SNX29: variants seen among roughly 807,000 people sequenced by gnomAD.
SNX29 encodes sorting nexin 29.
Under a neutral mutation model 102.1 loss-of-function variants are expected in SNX29, and 78 were observed. The ratio of observed to expected loss-of-function variants is 0.76; its 90% CI spans 0.64 to 0.92. The LOEUF (loss-of-function observed/expected upper bound fraction) is 0.92, where lower values mean the gene tolerates loss of function less well. Among genes scored for constraint, SNX29 ranks in the 40% least tolerant of loss-of-function variants. SNX29 has a pLI of 0.00. For synonymous variants in SNX29, 580 were observed against 414.5 expected (o/e 1.40, Z -4.85); for missense variants, 1,280 against 1,061.7 (o/e 1.21, Z -2.86).
chr16:12,450,862 G>A (rs2086271939), intron 18 of SNX29, among the ~76,000 whole-genome samples: 3 of 152,152 alleles, frequency 2.0e-5, no homozygotes, highest in Admixed American at 1.3e-4. Flanking sequence ...GAAGGACCAA[G>A]GGCAGGAGTG....
At chr16:12,553,040 C>A (rs994433512) in intron 20 of SNX29, among the ~76,000 whole-genome samples, 6 of 152,216 alleles carry the variant, frequency 3.9e-5, no homozygotes, top group South Asian at 4.1e-4. Flanking sequence ...AGGCTGGGGA[C>A]ACTAATTGGA....
chr16:12,563,805 A>AT (rs2078867191), intron 20 of SNX29, among the ~76,000 whole-genome samples: 1 of 152,032 alleles, frequency 6.6e-6, no homozygotes, highest in African/African-American at 2.4e-5. Flanking sequence ...ACACCCACCC[A>AT]TTTGCTGCTT....
intron 20 of SNX29, among the ~76,000 whole-genome samples, chr16:12,563,698 A>T (rs990814122): frequency 1.3e-5 from 2 of 152,112 alleles, no homozygotes; most frequent in African/African-American, 4.8e-5. Flanking sequence ...GGCCTCATGT[A>T]AGAGGAACAT....
At chr16:12,240,084 T>C (rs909186287) in intron 14 of SNX29, among the ~76,000 whole-genome samples, 1 of 152,270 alleles carries the variant, frequency 6.6e-6, no homozygotes. Flanking sequence ...TCTTTAAATA[T>C]TATCTCTGAA....
chr16:12,184,355 G>T (rs987168417), intron 13 of SNX29, among the ~76,000 whole-genome samples: 4 of 152,174 alleles, frequency 2.6e-5, no homozygotes, highest in African/African-American at 9.7e-5. Context: ...GCTGAGTTGC[G>T]TGCCATGCAC....
chr16:12,490,910 C>G (rs1029625251), intron 19 of SNX29, among the ~76,000 whole-genome samples: 1 of 152,224 alleles, frequency 6.6e-6, no homozygotes, highest in African/African-American at 2.4e-5. Context: ...CTCTTTGCAC[C>G]TTTTCTCCCA....
intron 20 of SNX29, among the ~76,000 whole-genome samples, chr16:12,540,469 GC>G (rs1175074113): frequency 6.6e-6 from 1 of 152,252 alleles, no homozygotes; most frequent in Non-Finnish European, 1.5e-5. Context: ...GTCTTACTAG[GC>G]TACAGTCAAG....
chr16:12,537,115 C>T (rs1349793262), intron 20 of SNX29, among the ~76,000 whole-genome samples: 1 of 152,180 alleles, frequency 6.6e-6, no homozygotes, highest in Non-Finnish European at 1.5e-5. Context: ...CCTTTCCTCC[C>T]AGCTGTTGGT....
intron 13 of SNX29, among the ~76,000 whole-genome samples, chr16:12,159,939 C>T (rs2055712730): frequency 6.6e-6 from 1 of 152,242 alleles, no homozygotes; most frequent in Non-Finnish European, 1.5e-5. Context: ...TAGGCAGCCA[C>T]TTCCAGTCAT....
chr16:12,276,933 C>A (rs563595941), intron 14 of SNX29, among the ~76,000 whole-genome samples: 1 of 151,320 alleles, frequency 6.6e-6, no homozygotes, highest in East Asian at 1.9e-4. Flanking sequence ...CCGAGTTTTT[C>A]TAAAGGTTTT....
At chr16:12,448,423 T>A (rs903406311) in intron 18 of SNX29, among the ~76,000 whole-genome samples, 2 of 152,174 alleles carry the variant, frequency 1.3e-5, no homozygotes, top group Non-Finnish European at 2.9e-5. Context: ...GGTGAACATG[T>A]TTTTCATAAA....
rs552638675 is a variant in SNX29, at chr16:12,043,471, T to C, written c.428+394T>C. On this transcript the variant is annotated intron_variant, in intron 5 of 20. Transcript: ENST00000566228. ...CCTGGCTCAAGCAATCCTCCCACCTTAGCCTCCTGAGCAGCTAGGACCCTA... is the reference window on the plus strand; with the variant it reads ...CCTGGCTCAAGCAATCCTCCCACCTCAGCCTCCTGAGCAGCTAGGACCCTA... Among the ~76,000 whole-genome samples, 34 of 152,048 alleles carry C rather than the reference T, an allele frequency of 2.2e-4. 1 individual carries two copies. The highest frequency in any genetic ancestry group is 8.0e-4 in the African/African-American group (33 of 41,482).
intron 6 of SNX29, among the ~76,000 whole-genome samples, chr16:12,047,604 A>G (rs994397893): frequency 1.3e-5 from 2 of 150,776 alleles, no homozygotes; most frequent in African/African-American, 4.9e-5. Context: ...CATCTTACAG[A>G]TAAGGTGACT....
intron 15 of SNX29, among the ~76,000 whole-genome samples, chr16:12,354,038 C>G (rs2082064370): frequency 6.6e-6 from 1 of 152,212 alleles, no homozygotes; most frequent in East Asian, 1.9e-4. Context: ...GTGCAGCCTA[C>G]TTTTATTTTT....
In SNX29 at chr16:12,569,338, C is replaced by T. The variant is rs930658622; in HGVS notation, c.*709C>T. On this transcript the variant is annotated 3_prime_UTR_variant, in exon 21 of 21. Transcript: ENST00000566228. ...ACCAGTGCCCTCCATAGCCTGAGGC[C>T]ACCTAGGCCCTCGCCAGGCTTGGAG... 7.8e-5 allele frequency: 18 copies of T among 230,132 alleles called. No individual in the cohort carries two copies. The highest frequency in any genetic ancestry group is 2.9e-4 in the African/African-American group (13 of 45,142). The allele number at this position is 230,132 out of a possible 1,614,324, so 14.3% of individuals were successfully genotyped here. A position where few individuals can be genotyped will look rare whatever the true frequency, so the allele number is the denominator to read the frequency against.
rs990286825 is a variant in SNX29, at chr16:12,209,347, G to A, written c.1678+9664G>A. Among the ~76,000 whole-genome samples, 4 of 152,154 alleles carry A rather than the reference G, an allele frequency of 2.6e-5. No individual in the cohort carries two copies. In the East Asian group the frequency reaches 7.7e-4, roughly 29 times the overall value. On this transcript the variant is annotated intron_variant, in intron 14 of 20. Coordinates refer to ENST00000566228, the MANE Select transcript of SNX29 (RefSeq NM_032167.5). The stretch of plus-strand genomic sequence containing the variant: ...TGGGATTACAGGCGTGTGCCACCAT[G>A]CCTGGCTCATTTTTGTATTTTTAGT...
At chr16:12,471,138 C>A (rs1205799788) in intron 18 of SNX29, among the ~76,000 whole-genome samples, 1 of 152,162 alleles carries the variant, frequency 6.6e-6, no homozygotes, top group African/African-American at 2.4e-5. Flanking sequence ...GCTTGGCACA[C>A]CCTTAAACCA....
At chr16:12,476,008 G>C (rs1330717138) in intron 18 of SNX29, among the ~76,000 whole-genome samples, 1 of 152,088 alleles carries the variant, frequency 6.6e-6, no homozygotes, top group Non-Finnish European at 1.5e-5. Context: ...ATCATAAGCA[G>C]GTATGGGCCA....
At position 12,363,640 on chromosome 16, in the gene SNX29, G is replaced by A. The variant is rs138642673; in HGVS notation, c.1899+7361G>A. On this transcript the variant is annotated intron_variant, in intron 16 of 20. Coordinates refer to ENST00000566228, the MANE Select transcript of SNX29 (RefSeq NM_032167.5). The stretch of plus-strand genomic sequence containing the variant: ...AGCATGTAGTAGGTGCTCAGTAAAT[G>A]TTTGCTACATGATGACTTCATTTTC... Among the ~76,000 whole-genome samples, 114 of 152,320 alleles carry A rather than the reference G, an allele frequency of 7.5e-4. 2 individuals are homozygous for A. The East Asian group carries it at 0.02, about 27-fold the overall frequency.
Sources: gnomAD v4.1 joint callset for allele counts (sites outside exome capture counted in the v4.1 genomes callset) on GRCh38, gnomAD v4.1.1 for gene constraint, MANE v1.5 for transcripts, NCBI Gene and HGNC (gene_info 2026-07-23, HGNC 2026-07-21) for gene names.